MAGI3: variants seen among roughly 807,000 people sequenced by gnomAD.
MAGI3 encodes membrane-associated guanylate kinase, WW and PDZ domain-containing protein 3.
In MAGI3, 43 loss-of-function variants were observed where a neutral mutation model predicts 121.8. The ratio of observed to expected loss-of-function variants is 0.35; its 90% confidence interval spans 0.28 to 0.46. The LOEUF is 0.46. Among genes scored for constraint, MAGI3 ranks in the 20% least tolerant of loss-of-function variants. The pLI, the probability that MAGI3 is intolerant of heterozygous loss-of-function variation, is 1.00. For missense variants in MAGI3, 1,547 were observed against 1,797.3 expected (o/e 0.86, Z 2.52); for synonymous variants, 553 against 639.3 (o/e 0.86, Z 2.04).
At chr1:113,612,131 A>G (rs549904631) in intron 6 of MAGI3, among the ~76,000 whole-genome samples, 46 of 152,044 alleles carry the variant, frequency 3.0e-4, no homozygotes, top group Non-Finnish European at 5.7e-4. Context: ...TTTAGTAGAG[A>G]CGGGGTTTCA....
At position 113,630,056 on chromosome 1, in the gene MAGI3, G is replaced by A. The variant is rs143189518; in HGVS notation, c.1360+7062G>A. The stretch of plus-strand genomic sequence containing the variant: ...TCAGGATGGTGAGTTTCCCCAAGCC[G>A]CGAGTGGATTCAGAGATATCGTCTG... On this transcript the variant is annotated intron_variant, in intron 9 of 20. Transcript: ENST00000307546. 8.1e-3 allele frequency among the ~76,000 whole-genome samples: 1,239 copies of A among 152,182 alleles called. 4 individuals carry two copies. The highest frequency in any genetic ancestry group is 0.011 in the African/African-American group (475 of 41,502).
chr1:113,434,362 G>A (rs1314281313), intron 1 of MAGI3, among the ~76,000 whole-genome samples: 2 of 152,074 alleles, frequency 1.3e-5, no homozygotes, highest in Non-Finnish European at 2.9e-5. Context: ...TTGAGCCCAG[G>A]AGTTTCAGAT....
chr1:113,634,717 C>CT (rs1319767470), intron 9 of MAGI3, among the ~76,000 whole-genome samples: 2 of 151,934 alleles, frequency 1.3e-5, no homozygotes, highest in Admixed American at 1.3e-4. Context: ...GCAATGTGGG[C>CT]TTTTTTTTGG....
intron 9 of MAGI3, 41 bp downstream of exon 9, chr1:113,623,035 A>G (rs1291661807): frequency 7.5e-7 from 1 of 1,331,474 alleles, no homozygotes; most frequent in Non-Finnish European, 9.9e-7. Flanking sequence ...TAGTGATACT[A>G]TAACAAAAAT....
intron 9 of MAGI3, among the ~76,000 whole-genome samples, chr1:113,635,977 G>T (rs372407653): frequency 1.8e-4 from 27 of 152,018 alleles, no homozygotes; most frequent in Middle Eastern, 3.4e-3. Flanking sequence ...GTCGAGGAAT[G>T]TATCCATTTC....
At chr1:113,407,685 A>C (rs1651763902) in intron 1 of MAGI3, among the ~76,000 whole-genome samples, 2 of 152,184 alleles carry the variant, frequency 1.3e-5, no homozygotes, top group South Asian at 4.1e-4. Context: ...TTGGAGAAAA[A>C]TATGCTCAAG....
chr1:113,578,266 T>A (rs1647782261), intron 2 of MAGI3, among the ~76,000 whole-genome samples: 1 of 152,174 alleles, frequency 6.6e-6, no homozygotes, highest in Non-Finnish European at 1.5e-5. Flanking sequence ...AGCCTTTACA[T>A]TAAATTAATC....
In MAGI3 at chr1:113,619,609, A is replaced by C. The variant is rs192795062; in HGVS notation, c.1077-127A>C. The C allele has an allele frequency of 5.2e-3, 3,278 of 627,570 alleles. 22 individuals carry two copies. Among genetic ancestry groups the C allele is most frequent in the Non-Finnish European group, 6.5e-3 (2,333 of 361,586 alleles). 38.9% of individuals were successfully genotyped at this position (627,570 alleles called of 1,614,324 possible). A position where few individuals can be genotyped will look rare whatever the true frequency, so the allele number is the denominator to read the frequency against. ...TCTGCTATCATCTATCAGTCTCTCC[A>C]TGTTCCATAGCCTAAAGATACATAT... On this transcript the variant is annotated intron_variant, in intron 7 of 20. Coordinates refer to ENST00000307546, the MANE Select transcript of MAGI3 (RefSeq NM_001142782.2).
chr1:113,652,365 G>T (rs1027044825), intron 14 of MAGI3, among the ~76,000 whole-genome samples: 5 of 152,172 alleles, frequency 3.3e-5, no homozygotes, highest in African/African-American at 4.8e-5. Flanking sequence ...AATAAATGTT[G>T]TTAATTGGAT....
At chr1:113,627,504 T>C (rs1360491759) in intron 9 of MAGI3, among the ~76,000 whole-genome samples, 1 of 151,166 alleles carries the variant, frequency 6.6e-6, no homozygotes, top group Non-Finnish European at 1.5e-5. Context: ...GAAGATCTAA[T>C]GCTGAAAGTG....
At chr1:113,597,672 C>T (rs912790409) in intron 6 of MAGI3, among the ~76,000 whole-genome samples, 1 of 152,168 alleles carries the variant, frequency 6.6e-6, no homozygotes, top group East Asian at 1.9e-4. Flanking sequence ...TCAGCAGAAA[C>T]CTTACATGCC....
At chr1:113,563,173 A>C (rs1022965072) in intron 2 of MAGI3, among the ~76,000 whole-genome samples, 6 of 152,226 alleles carry the variant, frequency 3.9e-5, no homozygotes, top group African/African-American at 1.2e-4. Context: ...AACATTTGAA[A>C]ATTAATATAG....
At chr1:113,413,674 CTGTT>C (rs1453331655) in intron 1 of MAGI3, among the ~76,000 whole-genome samples, 2 of 152,100 alleles carry the variant, frequency 1.3e-5, no homozygotes, top group Admixed American at 6.5e-5. Flanking sequence ...ATTTGGCTCT[CTGTT>C]TGTCTGTTAA....
intron 2 of MAGI3, among the ~76,000 whole-genome samples, chr1:113,554,840 A>G (rs935550367): frequency 4.6e-5 from 7 of 152,138 alleles, no homozygotes; most frequent in Non-Finnish European, 7.4e-5. Flanking sequence ...TAAAAAGAAA[A>G]TGATGCTGGG....
At chr1:113,642,541 A>T (rs368091832) in intron 10 of MAGI3, 25 bp downstream of exon 10, 15 of 1,586,152 alleles carry the variant, frequency 9.5e-6, no homozygotes, top group Non-Finnish European at 1.1e-5. Context: ...AACATAGAAA[A>T]AGTTTCAGTG....
intron 2 of MAGI3, among the ~76,000 whole-genome samples, chr1:113,565,278 T>C (rs1660397469): frequency 1.3e-5 from 2 of 152,244 alleles, no homozygotes; most frequent in Admixed American, 1.3e-4. Flanking sequence ...TTATTAAGAA[T>C]GTATCCAAAA....
chr1:113,607,426 A>T (rs1456027495), intron 6 of MAGI3, among the ~76,000 whole-genome samples: 1 of 152,198 alleles, frequency 6.6e-6, no homozygotes, highest in African/African-American at 2.4e-5. Context: ...TAGTTTTTAA[A>T]CTAACCTCAC....
intron 1 of MAGI3, among the ~76,000 whole-genome samples, chr1:113,466,902 A>G (rs968605020): frequency 6.6e-6 from 1 of 151,478 alleles, no homozygotes; most frequent in African/African-American, 2.4e-5. Context: ...TTTTTGTTTC[A>G]TTGATCTTCT....
rs1660004428 is a variant in MAGI3 at position 113,556,607 on chromosome 1, G to A, written c.433+6976G>A. On this transcript the variant is annotated intron_variant, in intron 2 of 20. Coordinates refer to ENST00000307546, the MANE Select transcript of MAGI3 (RefSeq NM_001142782.2). ...AGTCTCACTCTGTCACCCAGGTCCTGGAATTCAATGATGTGATTAGAGCTC... is the reference window on the plus strand; with the variant it reads ...AGTCTCACTCTGTCACCCAGGTCCTAGAATTCAATGATGTGATTAGAGCTC... 2.2e-5 allele frequency among the ~76,000 whole-genome samples: 3 copies of A among 139,050 alleles called. No homozygotes were observed. The Admixed American group carries it at 2.3e-4, about 11-fold the overall frequency. The allele number at this position is 139,050 out of a possible 152,430, so 91.2% of individuals were successfully genotyped here.
Sources: gnomAD v4.1 joint callset for allele counts (sites outside exome capture counted in the v4.1 genomes callset) on GRCh38, gnomAD v4.1.1 for gene constraint, MANE v1.5 for transcripts, NCBI Gene and HGNC (gene_info 2026-07-23, HGNC 2026-07-21) for gene names.